Variants in SNX18 observed in about 807,000 individuals in gnomAD.
SNX18 encodes the protein sorting nexin-18.
Under a neutral mutation model 48.7 loss-of-function variants are expected in SNX18, and 35 were observed. The ratio of observed to expected loss-of-function variants is 0.72; its 90% confidence interval spans 0.55 to 0.95. The LOEUF (loss-of-function observed/expected upper bound fraction) is 0.95. SNX18 is among the 40% of genes least tolerant of loss of function. The pLI, the probability that SNX18 is intolerant of heterozygous loss-of-function variation, is 0.00. For missense variants in SNX18, 824 were observed against 871.0 expected, an observed-to-expected ratio of 0.95 and a Z score of 0.68; for synonymous variants, 492 against 384.7, an observed-to-expected ratio of 1.28 and a Z score of -3.26.
At chr5:54,631,202 C>T in the SNX18 span, among the ~76,000 whole-genome samples, 1 of 152,148 alleles carries the variant, frequency 6.6e-6, no homozygotes, top group African/African-American at 2.4e-5. Context: ...AACTAACAGC[C>T]GGACTTCTTT....
the SNX18 span, among the ~76,000 whole-genome samples, chr5:54,576,932 G>A: frequency 2.6e-5 from 4 of 152,102 alleles, no homozygotes; most frequent in South Asian, 2.1e-4. Context: ...CTCCCGAGTA[G>A]CTGGGATTAC....
chr5:54,595,293 T>C, the SNX18 span, among the ~76,000 whole-genome samples: 2 of 152,238 alleles, frequency 1.3e-5, no homozygotes, highest in Non-Finnish European at 2.9e-5. Flanking sequence ...TAGAGTGCAG[T>C]GGCACAATCT....
chr5:54,522,964 G>A (rs1423792855), intron 1 of SNX18, among the ~76,000 whole-genome samples: 4 of 152,184 alleles, frequency 2.6e-5, no homozygotes, highest in Admixed American at 6.5e-5. Context: ...TTAGGTTAAT[G>A]GAGTTGAGCG....
chr5:54,646,071 CATTTACTGGAT>C, the SNX18 span: 3 of 152,094 alleles, frequency 2.0e-5, no homozygotes, highest in African/African-American at 7.2e-5. Context: ...ATTTAAAGAA[CATTTACTGGAT>C]TTGGTACTTG....
chr5:54,542,694 G>C (rs1247470353), intron 1 of SNX18, among the ~76,000 whole-genome samples: 1 of 152,216 alleles, frequency 6.6e-6, no homozygotes, highest in Non-Finnish European at 1.5e-5. Flanking sequence ...TTGTTTCAGA[G>C]ACTGGTTCTA....
chr5:54,637,556 G>A, the SNX18 span, among the ~76,000 whole-genome samples: 3 of 152,050 alleles, frequency 2.0e-5, no homozygotes, highest in African/African-American at 7.2e-5. Context: ...AAAGAGGGGC[G>A]CTAGAAAAGA....
rs769932602 is a variant in SNX18, at chr5:54,518,370, C to T, written c.418C>T (p.Leu140Phe). ...GGALQPSPQQ[L>F]YGGYQASQGS... ...CGCCCTGCAGCCGTCGCCTCAGCAGCTCTACGGCGGCTACCAGGCCAGCCA... is the reference window on the plus strand; with the variant it reads ...CGCCCTGCAGCCGTCGCCTCAGCAGTTCTACGGCGGCTACCAGGCCAGCCA... The change falls in exon 1 of 2, where the codon CTC becomes TTC. Residue 140 changes from leucine to phenylalanine, a missense_variant. By Grantham distance (22) the Leu-to-Phe change is conservative (BLOSUM62 0). Around this residue, in one of 3 missense-constraint regions of SNX18, gnomAD observed 377 missense variants for 350.6 expected, o/e 1.08. Transcript: ENST00000381410. 6.4e-7 allele frequency: 1 copy of T among 1,563,016 alleles called. No individual in the cohort carries two copies. The highest frequency in any genetic ancestry group is 8.7e-7 in the Non-Finnish European group (1 of 1,155,864).
chr5:54,542,186 T>C (rs539554234), intron 1 of SNX18, among the ~76,000 whole-genome samples: 2 of 152,360 alleles, frequency 1.3e-5, no homozygotes, highest in African/African-American at 4.8e-5. Flanking sequence ...AGGAATAGCC[T>C]ATTTCCTACC....
chr5:54,518,137 C>G lies in SNX18; in HGVS notation c.185C>G (p.Pro62Arg), dbSNP rs1213095113. Residue 62 changes from proline to arginine, a missense_variant, in exon 1 of 2, where the codon CCC (proline) becomes CGC (arginine). Physicochemically the swap from Pro to Arg is moderately radical, Grantham distance 103 (BLOSUM62 -2). Transcript: ENST00000381410. Reference sequence around the variant, plus strand: ...TCCTATGTGCAGGTGATCCGCGCCCCCGAGCCTGGCCCGGCGGGAGACGGC... The same window carrying G: ...TCCTATGTGCAGGTGATCCGCGCCCGCGAGCCTGGCCCGGCGGGAGACGGC... ...PASYVQVIRA[P>R]EPGPAGDGGP... The G allele has an allele frequency of 7.1e-7, 1 of 1,415,958 alleles. No homozygotes were observed. The highest frequency in any genetic ancestry group is 1.5e-5 in the South Asian group (1 of 67,330). 87.7% of individuals were successfully genotyped at this position (1,415,958 alleles called of 1,614,324 possible). A position where few individuals can be genotyped will look rare whatever the true frequency, so the allele number is the denominator to read the frequency against.
the SNX18 span, among the ~76,000 whole-genome samples, chr5:54,567,383 T>C: frequency 1.3e-5 from 2 of 152,028 alleles, no homozygotes; most frequent in South Asian, 4.2e-4. Context: ...ATGCAAGCTG[T>C]ATCCACAGGA....
chr5:54,639,557 T>A, the SNX18 span, among the ~76,000 whole-genome samples: 54 of 152,206 alleles, frequency 3.5e-4, no homozygotes, highest in African/African-American at 1.3e-3. Flanking sequence ...CCTCACTCAT[T>A]TAACTCTCAA....
chr5:54,622,299 G>A, the SNX18 span, among the ~76,000 whole-genome samples: 2 of 152,124 alleles, frequency 1.3e-5, no homozygotes, highest in East Asian at 3.9e-4. Context: ...AGGAGTTCGA[G>A]ACCAACCTGG....
rs1437550222 is a variant in SNX18 at position 54,544,635 on chromosome 5, G to GCGC, written c.*1204_*1205insGCC. 1 of 87,362 alleles carries GCGC rather than the reference G, an allele frequency of 1.1e-5. No homozygotes were observed. The highest frequency in any genetic ancestry group is 3.9e-5 in the African/African-American group (1 of 25,326). 5.4% of individuals were successfully genotyped at this position (87,362 alleles called of 1,614,324 possible). ...TTAAAAAAAAAAAAGGTATTGATGA[G>GCGC]CCCCCCCCCCCCAGGACATTTAACC... On this transcript the variant is annotated 3_prime_UTR_variant, in exon 2 of 2. Transcript: ENST00000381410.
chr5:54,528,317 G>T (rs1326112245), intron 1 of SNX18, among the ~76,000 whole-genome samples: 1 of 151,920 alleles, frequency 6.6e-6, no homozygotes, highest in African/African-American at 2.4e-5. Flanking sequence ...GTAGGTACTT[G>T]CCCTCATGGA....
the SNX18 span, among the ~76,000 whole-genome samples, chr5:54,559,270 A>G: frequency 3.9e-5 from 6 of 152,358 alleles, no homozygotes; most frequent in African/African-American, 1.4e-4. Context: ...AGCCAAGGCA[A>G]TTCTAACCAA....
chr5:54,519,794 C>T (rs1761980439), intron 1 of SNX18: 1 of 1,613,510 alleles, frequency 6.2e-7, no homozygotes, highest in Non-Finnish European at 8.5e-7. Context: ...AGTACTCTTT[C>T]TCGAAGGTTC....
At position 54,519,440 on chromosome 5, in the gene SNX18, C is replaced by T. The variant is rs749388719; in HGVS notation, c.1488C>T (p.Thr496=). The part of the protein sequence containing the change: ...SVGLNQAIAF[T]GDAYDAIGEL... ...GCCTGAACCAGGCTATCGCCTTCAC[C>T]GGAGATGCCTATGACGCCATTGGCG... is the stretch of plus-strand genomic sequence containing the variant. Residue 496 remains threonine (T), a synonymous_variant, in exon 1 of 2, where the codon ACC becomes ACT. Coordinates refer to ENST00000381410, the MANE Select transcript of SNX18 (RefSeq NM_001102575.2). The T allele has an allele frequency of 2.9e-5, 46 of 1,613,980 alleles. No homozygotes were observed. The highest frequency in any genetic ancestry group is 3.6e-5 in the Non-Finnish European group (43 of 1,180,044).
At chr5:54,538,744 G>T (rs115296411) in intron 1 of SNX18, among the ~76,000 whole-genome samples, 7 of 152,112 alleles carry the variant, frequency 4.6e-5, no homozygotes, top group African/African-American at 1.7e-4. Flanking sequence ...TTCAATTCAG[G>T]ATATAATCAG....
intron 1 of SNX18, among the ~76,000 whole-genome samples, chr5:54,535,798 G>A (rs1762342320): frequency 6.6e-6 from 1 of 152,150 alleles, no homozygotes; most frequent in Non-Finnish European, 1.5e-5. Context: ...ACAAAAATTT[G>A]AGAGCCAGCT....
Sources: allele counts gnomAD v4.1 joint callset (sites outside exome capture counted in the v4.1 genomes callset), GRCh38; gene constraint gnomAD v4.1.1; regional missense constraint gnomAD v4.1.1; transcripts MANE v1.5; gene names NCBI Gene and HGNC (gene_info 2026-07-23, HGNC 2026-07-21).